The following KCNAB2 variants were observed in gnomAD, a reference collection of about 807,000 sequenced individuals.
KCNAB2 encodes the protein potassium voltage-gated channel subfamily A regulatory beta subunit 2.
KCNAB2 carries 29 observed loss-of-function variants against 63.6 expected under a neutral mutation model. That is an observed-to-expected ratio of 0.46 (90% CI 0.34 to 0.62). KCNAB2 has a LOEUF of 0.62. KCNAB2 is among the 20% of genes least tolerant of loss of function. The probability of loss-of-function intolerance (pLI) is 0.01; values close to 1 mark genes in which losing one functional copy is unlikely to be tolerated. For missense variants in KCNAB2, 359 were observed against 563.9 expected, an observed-to-expected ratio of 0.64 and a Z score of 3.68; for synonymous variants, 222 against 224.2, an observed-to-expected ratio of 0.99 and a Z score of 0.09.
intron 2 of KCNAB2, among the ~76,000 whole-genome samples, chr1:6,070,763 C>T (rs921150327): frequency 5.9e-5 from 9 of 152,054 alleles, no homozygotes; most frequent in African/African-American, 2.2e-4. Flanking sequence ...GATGAGAACA[C>T]TGAGGCATCG....
chr1:6,036,821 C>G (rs61760783), intron 1 of KCNAB2, among the ~76,000 whole-genome samples: 66,061 of 151,724 alleles, frequency 0.44, 14,588 homozygotes, highest in East Asian at 0.57. Context: ...AAGGGAGGAG[C>G]AGCGAGGTGT....
chr1:6,084,559 G>T (rs374074784), intron 5 of KCNAB2, among the ~76,000 whole-genome samples: 62 of 152,136 alleles, frequency 4.1e-4, no homozygotes, highest in Non-Finnish European at 6.0e-4. Flanking sequence ...CTCACGCCTG[G>T]AATCCCAGCA....
At chr1:6,002,533 T>C (rs562145051) in intron 1 of KCNAB2, among the ~76,000 whole-genome samples, 2 of 152,318 alleles carry the variant, frequency 1.3e-5, no homozygotes, top group East Asian at 3.9e-4. Context: ...GAGGGCTCTG[T>C]CCCAGCCCCT....
At chr1:6,067,703 G>A (rs1662871036) in intron 2 of KCNAB2, among the ~76,000 whole-genome samples, 1 of 152,176 alleles carries the variant, frequency 6.6e-6, no homozygotes, top group Non-Finnish European at 1.5e-5. Flanking sequence ...TAGAAGCTCT[G>A]GGGTTTACAT....
Position 6,100,384 on chromosome 1 carries a change from C to T in KCNAB2, c.*1810C>T, listed in dbSNP as rs371203812. 4.8e-6 allele frequency: 1 copy of T among 210,030 alleles called. No homozygotes were observed. The allele number at this position is 210,030 out of a possible 1,614,324, so 13.0% of individuals were successfully genotyped here. On this transcript the variant is annotated 3_prime_UTR_variant, in exon 16 of 16. Coordinates refer to ENST00000378083, the MANE Select transcript of KCNAB2 (RefSeq NM_001199862.2). ...CCTGTGAGTGTGGGGTGGGGAAGTC[C>T]CTTCCCAACGGAGGTCCCAGCCTAT...
intron 1 of KCNAB2, among the ~76,000 whole-genome samples, chr1:6,021,352 A>G: frequency 6.6e-6 from 1 of 152,156 alleles, no homozygotes; most frequent in Non-Finnish European, 1.5e-5. Context: ...ATACACCCAA[A>G]TGTGGAGCTG....
chr1:6,005,956 C>CACG (rs1657663767), intron 1 of KCNAB2, among the ~76,000 whole-genome samples: 1 of 39,634 alleles, frequency 2.5e-5, no homozygotes. Context: ...AGCTCAGCTC[C>CACG]TACATTTCCC....
intron 2 of KCNAB2, among the ~76,000 whole-genome samples, chr1:6,068,445 C>T (rs3789549): frequency 6.6e-6 from 1 of 152,106 alleles, no homozygotes; most frequent in African/African-American, 2.4e-5. Context: ...AGTTCAAATC[C>T]CAGCCCTAGC....
At chr1:6,092,008 C>T (rs1665231363) in intron 10 of KCNAB2, among the ~76,000 whole-genome samples, 1 of 152,244 alleles carries the variant, frequency 6.6e-6, no homozygotes, top group African/African-American at 2.4e-5. Context: ...CAGGACCCCA[C>T]CCCAAGGGCA....
chr1:6,079,134 G>A (rs369992875), intron 4 of KCNAB2, among the ~76,000 whole-genome samples: 39 of 152,186 alleles, frequency 2.6e-4, no homozygotes, highest in Admixed American at 1.4e-3. Context: ...GAGACCTCCC[G>A]GGAGCTGATG....
chr1:6,038,921 G>A (rs1175844265), intron 1 of KCNAB2, among the ~76,000 whole-genome samples: 2 of 152,238 alleles, frequency 1.3e-5, no homozygotes, highest in Non-Finnish European at 2.9e-5. Flanking sequence ...GTGGGACCAC[G>A]TGATTTTGGA....
rs558021957 is a variant in KCNAB2, at chr1:6,052,623, C to T, written c.218+869C>T. Among the ~76,000 whole-genome samples the T allele has an allele frequency of 1.1e-3, 172 of 152,216 alleles. 2 individuals carry two copies. Among genetic ancestry groups the T allele is most frequent in the African/African-American group, 3.9e-3 (162 of 41,516 alleles). ...TCTTTGAATTCAGCACCTCGGACAGCGCTCTGCTAGCCACCGTTCTCTGGC... is the reference window on the plus strand; with the variant it reads ...TCTTTGAATTCAGCACCTCGGACAGTGCTCTGCTAGCCACCGTTCTCTGGC... On this transcript the variant is annotated intron_variant, in intron 2 of 15. Coordinates refer to ENST00000378083, the MANE Select transcript of KCNAB2 (RefSeq NM_001199862.2).
intron 1 of KCNAB2, among the ~76,000 whole-genome samples, chr1:6,038,793 G>C (rs950329987): frequency 6.6e-6 from 1 of 152,230 alleles, no homozygotes; most frequent in African/African-American, 2.4e-5. Flanking sequence ...GGGAAAAAGA[G>C]TGGGAAAAAC....
rs991973152 is a variant in KCNAB2, at chr1:6,082,363, A to G, written c.380+89A>G. The G allele has an allele frequency of 2.3e-5, 24 of 1,031,948 alleles. No homozygotes were observed. In the Middle Eastern group the frequency reaches 6.1e-4, roughly 26 times the overall value. The allele number at this position is 1,031,948 out of a possible 1,614,324, so 63.9% of individuals were successfully genotyped here. A position where few individuals can be genotyped will look rare whatever the true frequency, so the allele number is the denominator to read the frequency against. On this transcript the variant is annotated intron_variant, in intron 5 of 15. Coordinates refer to ENST00000378083, the MANE Select transcript of KCNAB2 (RefSeq NM_001199862.2). ...GATTCCTGCCGCTCGCGTTCCCAAG[A>G]GTGCTCACAAATGCACCTTGCACCC...
chr1:6,048,606 A>G lies in KCNAB2; in HGVS notation c.-27+2423A>G, dbSNP rs545299459. Among the ~76,000 whole-genome samples the G allele has an allele frequency of 3.9e-5, 6 of 152,298 alleles. No homozygotes were observed. The South Asian group carries it at 1.2e-3, about 32-fold the overall frequency. ...CAGACCCGGATTGCTTTTTGTGAGT[A>G]ATGTCTTGAAAGCTAATGGCTATTG... On this transcript the variant is annotated intron_variant, in intron 1 of 15. Coordinates refer to ENST00000378083, the MANE Select transcript of KCNAB2 (RefSeq NM_001199862.2).
intron 10 of KCNAB2, among the ~76,000 whole-genome samples, chr1:6,092,443 T>C (rs1557512070): frequency 6.6e-6 from 1 of 152,232 alleles, no homozygotes; most frequent in Non-Finnish European, 1.5e-5. Context: ...CTTGGAGACC[T>C]GAGACAGCTG....
chr1:5,999,681 C>T (rs1299019091), intron 1 of KCNAB2, among the ~76,000 whole-genome samples: 1 of 152,072 alleles, frequency 6.6e-6, no homozygotes. Context: ...GTACTGATGG[C>T]CCGAGTGCTT....
At position 6,100,044 on chromosome 1, in the gene KCNAB2, G is replaced by A. The variant is rs1052858189; in HGVS notation, c.*1470G>A. 292 of 1,506,796 alleles carry A rather than the reference G, an allele frequency of 1.9e-4. No homozygotes were observed. Among genetic ancestry groups the A allele is most frequent in the Non-Finnish European group, 2.5e-4 (283 of 1,125,508 alleles). 93.3% of individuals were successfully genotyped at this position (1,506,796 alleles called of 1,614,324 possible). ...CTCCATAGGGAAGCCTGTGTCTCCT[G>A]CCCCCAGGGCGCACCCTCAGTGCAG... On this transcript the variant is annotated 3_prime_UTR_variant, in exon 16 of 16. Transcript: ENST00000378083.
chr1:5,999,260 C>T lies in KCNAB2; in HGVS notation c.-53+6472C>T, dbSNP rs193023411. ...GGGTGGGCCGAGGGTCCTGAGATAT[C>T]GGTGTGCCCAGCAGGCTTGTAGGGT... On this transcript the variant is annotated intron_variant, in intron 1 of 16. Transcript: ENST00000341524. Among the ~76,000 whole-genome samples the T allele has an allele frequency of 4.9e-3, 746 of 152,286 alleles. 10 individuals are homozygous for T. Among genetic ancestry groups the T allele is most frequent in the African/African-American group, 0.017 (686 of 41,564 alleles).
Sources: gnomAD v4.1 joint callset for allele counts (sites outside exome capture counted in the v4.1 genomes callset) on GRCh38, gnomAD v4.1.1 for gene constraint, MANE v1.5 for transcripts, NCBI Gene and HGNC (gene_info 2026-07-23, HGNC 2026-07-21) for gene names.